BTBD1: variants seen among roughly 807,000 people sequenced by gnomAD.
BTBD1 encodes the protein BTB/POZ domain-containing protein 1.
Under a neutral mutation model 48.0 loss-of-function variants are expected in BTBD1, and 34 were observed. The observed-to-expected ratio is 0.71, with a 90% confidence interval of 0.54 to 0.94. BTBD1 has a LOEUF of 0.94. BTBD1 is among the 40% of genes least tolerant of loss of function. BTBD1 has a pLI of 0.00. For missense variants in BTBD1, 543 were observed against 625.6 expected (o/e 0.87, Z 1.41); for synonymous variants, 261 against 242.1 (o/e 1.08, Z -0.72).
At chr15:83,027,102 C>A (rs968983354) in intron 5 of BTBD1, among the ~76,000 whole-genome samples, 1 of 152,126 alleles carries the variant, frequency 6.6e-6, no homozygotes, top group Non-Finnish European at 1.5e-5. Flanking sequence ...ACCTGTAACC[C>A]AGCACTTTGG....
At chr15:83,040,240 G>A (rs2032724247) in intron 4 of BTBD1, among the ~76,000 whole-genome samples, 1 of 152,074 alleles carries the variant, frequency 6.6e-6, no homozygotes, top group Admixed American at 6.6e-5. Context: ...GGGGAAAAGA[G>A]GAAGGGACAG....
intron 1 of BTBD1, among the ~76,000 whole-genome samples, chr15:83,057,804 C>T (rs145011926): frequency 2.0e-5 from 3 of 152,378 alleles, no homozygotes; most frequent in African/African-American, 7.2e-5. Context: ...TAAACTCCGT[C>T]TCCAACTTCA....
chr15:83,040,487 G>C (rs1341427423), intron 4 of BTBD1, among the ~76,000 whole-genome samples: 2 of 152,006 alleles, frequency 1.3e-5, no homozygotes, highest in Non-Finnish European at 2.9e-5. Flanking sequence ...CAGATCACCT[G>C]AGGTCAGGAG....
chr15:83,035,046 C>T (rs1188540469), intron 4 of BTBD1, among the ~76,000 whole-genome samples: 1 of 152,158 alleles, frequency 6.6e-6, no homozygotes, highest in Non-Finnish European at 1.5e-5. Context: ...GTAATCCTAG[C>T]ATTTTGGGAG....
In BTBD1 at chr15:83,057,527, T is replaced by G. The variant is rs538803132; in HGVS notation, c.402-982A>C. Among the ~76,000 whole-genome samples, 17 of 152,366 alleles carry G rather than the reference T, an allele frequency of 1.1e-4. No individual in the cohort carries two copies. The South Asian group carries it at 3.5e-3, about 32-fold the overall frequency. On this transcript the variant is annotated intron_variant, in intron 1 of 7. Transcript: ENST00000261721. ...TATTTCCCTCTGCATTTTGGAAGAT[T>G]TCCTTGCCATTATCTTCTGGTGCCT...
intron 3 of BTBD1, among the ~76,000 whole-genome samples, chr15:83,042,331 G>C (rs1247334879): frequency 1.7e-5 from 2 of 120,270 alleles, no homozygotes; most frequent in East Asian, 4.0e-4. Flanking sequence ...CTACGTGCCA[G>C]GTACTATTAG....
intron 3 of BTBD1, among the ~76,000 whole-genome samples, chr15:83,048,033 A>T (rs1419301144): frequency 6.6e-6 from 1 of 152,192 alleles, no homozygotes; most frequent in Non-Finnish European, 1.5e-5. Flanking sequence ...GACCACTGCA[A>T]TTATCCAGGT....
rs1458687546 is a variant in BTBD1, at chr15:83,056,499, T to C, written c.448A>G (p.Thr150Ala). 6.2e-7 allele frequency: 1 copy of C among 1,613,638 alleles called. No individual in the cohort carries two copies. Among genetic ancestry groups the C allele is most frequent in the African/African-American group, 1.3e-5 (1 of 74,920 alleles). ...EVQIGPETVM[T>A]TLYTAKKYAV... ...TATTTCTTGGCAGTATAAAGAGTGG[T>C]CATAACTGTTTCTGGACCAATTTGA... Residue 150 changes from threonine (T) to alanine (A), a missense_variant, in exon 2 of 8, where the codon ACC (threonine) becomes GCC (alanine). Around this residue, in one of 3 missense-constraint regions of BTBD1, gnomAD observed 70 missense variants for 111.7 expected, o/e 0.63. Transcript: ENST00000261721.
intron 6 of BTBD1, 44 bp downstream of exon 6, chr15:83,020,627 CTGTT>C: frequency 8.1e-7 from 1 of 1,227,272 alleles, no homozygotes; most frequent in South Asian, 1.3e-5. Context: ...TTAAAGTTAC[CTGTT>C]TGTGTTATTT....
intron 5 of BTBD1, among the ~76,000 whole-genome samples, chr15:83,021,393 A>G (rs757979270): frequency 2.6e-5 from 4 of 152,240 alleles, no homozygotes; most frequent in Non-Finnish European, 4.4e-5. Flanking sequence ...CAGTTTGGTC[A>G]TAATAGTTAA....
chr15:83,066,118 CCTCT>C (rs1567115468), intron 1 of BTBD1, among the ~76,000 whole-genome samples: 1 of 152,008 alleles, frequency 6.6e-6, no homozygotes, highest in Non-Finnish European at 1.5e-5. Flanking sequence ...ATAGTGAAAC[CCTCT>C]CTCTACCAAA....
At chr15:83,038,985 G>T (rs1158820979) in intron 4 of BTBD1, among the ~76,000 whole-genome samples, 1 of 152,090 alleles carries the variant, frequency 6.6e-6, no homozygotes, top group East Asian at 1.9e-4. Flanking sequence ...GAGAATTTAT[G>T]ACAAAGTCCT....
intron 1 of BTBD1, among the ~76,000 whole-genome samples, chr15:83,058,571 T>C (rs955148665): frequency 6.6e-6 from 1 of 151,822 alleles, no homozygotes; most frequent in Non-Finnish European, 1.5e-5. Flanking sequence ...ATCGCAACAC[T>C]GCACTCTAGC....
chr15:83,022,264 G>C (rs1055417594), intron 5 of BTBD1: 1 of 150,462 alleles, frequency 6.6e-6, no homozygotes, highest in East Asian at 2.0e-4. Context: ...AAGTTGCCCA[G>C]GCTGGTCTAG....
chr15:83,024,498 A>G (rs2032367095), intron 5 of BTBD1, among the ~76,000 whole-genome samples: 2 of 152,258 alleles, frequency 1.3e-5, no homozygotes, highest in Non-Finnish European at 2.9e-5. Context: ...CTCATAGTAC[A>G]TAAACATTCA....
chr15:83,045,871 T>C (rs918922016), intron 3 of BTBD1, among the ~76,000 whole-genome samples: 19 of 152,074 alleles, frequency 1.2e-4, no homozygotes, highest in African/African-American at 4.6e-4. Flanking sequence ...ACATAAACTT[T>C]ATTACTAAAA....
intron 2 of BTBD1, among the ~76,000 whole-genome samples, chr15:83,052,663 C>T (rs995000469): frequency 6.7e-5 from 10 of 148,180 alleles, no homozygotes; most frequent in African/African-American, 2.5e-4. Context: ...TGGAGTCTCG[C>T]TCTGTCGCCC....
At chr15:83,042,374 A>ATATATATATATATATATATG (rs1555440271) in intron 3 of BTBD1, among the ~76,000 whole-genome samples, 1 of 121,976 alleles carries the variant, frequency 8.2e-6, no homozygotes, top group Non-Finnish European at 1.8e-5. Context: ...ATATATATAT[A>ATATATATATATATATATATG]TATGTATGTA....
At chr15:83,034,102 AAAAAAG>A (rs973543414) in intron 4 of BTBD1, among the ~76,000 whole-genome samples, 3 of 150,748 alleles carry the variant, frequency 2.0e-5, no homozygotes, top group Non-Finnish European at 3.0e-5. Flanking sequence ...AAAAAAAAAA[AAAAAAG>A]AAAAAGAAAA....
Sources: gnomAD v4.1 joint callset for allele counts (sites outside exome capture counted in the v4.1 genomes callset) on GRCh38, gnomAD v4.1.1 for gene constraint, gnomAD v4.1.1 regional missense constraint, MANE v1.5 for transcripts, NCBI Gene and HGNC (gene_info 2026-07-23, HGNC 2026-07-21) for gene names.